Variants in MCM3AP observed in about 807,000 individuals in gnomAD.
MCM3AP encodes the protein minichromosome maintenance complex component 3 associated protein, also known as germinal-center associated nuclear protein.
A neutral mutation model predicts 184.1 loss-of-function variants in MCM3AP; 126 were observed. The observed-to-expected ratio is 0.68, with a 90% CI of 0.59 to 0.79. The LOEUF is 0.79. Ranked by LOEUF, MCM3AP falls within the 30% of genes least tolerant of loss-of-function variation. MCM3AP has a pLI of 0.00. For synonymous variants in MCM3AP, 1,002 were observed against 979.3 expected, an observed-to-expected ratio of 1.02 and a Z score of -0.43; for missense variants, 2,496 against 2,479.2, an observed-to-expected ratio of 1.01 and a Z score of -0.14.
chr21:46,251,546 C>T lies in MCM3AP; in HGVS notation c.4273G>A (p.Val1425Ile). The T allele has an allele frequency of 6.2e-7, 1 of 1,609,834 alleles. No individual in the cohort carries two copies. The highest frequency in any genetic ancestry group is 8.5e-7 in the Non-Finnish European group (1 of 1,176,696). The change falls in exon 20 of 28, where the codon GTT (valine) becomes ATT (isoleucine). Residue 1425 changes from valine (V) to isoleucine (I), a missense_variant. This residue lies in a region of MCM3AP where 1,323 missense variants were observed against 1,273.4 expected (regional missense o/e 1.04). Coordinates refer to ENST00000291688, the MANE Select transcript of MCM3AP (RefSeq NM_003906.5). Reference sequence around the variant, plus strand: ...TAGTTCACCTTTATACACACGTTAACAGAAATCATCTGATCCCCTTTGCTG... The same window carrying T: ...TAGTTCACCTTTATACACACGTTAATAGAAATCATCTGATCCCCTTTGCTG... Reference protein sequence around the residue: ...LSSKGDQMISVNVCIKVAHGA... With the variant: ...LSSKGDQMISINVCIKVAHGA...
chr21:46,272,805 C>A lies in MCM3AP; in HGVS notation c.2221G>T (p.Asp741Tyr). 1 of 1,602,470 alleles carries A rather than the reference C, an allele frequency of 6.2e-7. No homozygotes were observed. The highest frequency in any genetic ancestry group is 2.2e-5 in the East Asian group (1 of 44,730). The change falls in exon 8 of 28, where the codon GAC becomes TAC. Residue 741 changes from aspartate to tyrosine, a missense_variant. By Grantham distance (160) the Asp-to-Tyr change is radical. Coordinates refer to ENST00000291688, the MANE Select transcript of MCM3AP (RefSeq NM_003906.5). ...RKDITQQHLC[D>Y]PLTVSLIEKC... is the part of the protein sequence containing the mutation. ...TCAATCAGGGACACCGTCAGGGGGT[C>A]ACAGAGGTGCTGCTGCGTGATATCC...
At chr21:46,262,718 A>T (rs930021473) in intron 13 of MCM3AP, among the ~76,000 whole-genome samples, 4 of 152,084 alleles carry the variant, frequency 2.6e-5, no homozygotes, top group Non-Finnish European at 5.9e-5. Context: ...CTGTAATCCC[A>T]GCACTTTGGG....
In MCM3AP at chr21:46,275,218, T is replaced by C; in HGVS notation, c.1966A>G (p.Ser656Gly). The C allele has an allele frequency of 6.2e-7, 1 of 1,613,972 alleles. No homozygotes were observed. The highest frequency in any genetic ancestry group is 1.1e-5 in the South Asian group (1 of 91,048). Residue 656 changes from serine (S) to glycine (G), a missense_variant, in exon 6 of 28, where the codon AGC becomes GGC. By Grantham distance (56) the Ser-to-Gly change is moderately conservative. Around this residue, in one of 5 missense-constraint regions of MCM3AP, gnomAD observed 130 missense variants for 199.8 expected, o/e 0.65. Coordinates refer to ENST00000291688, the MANE Select transcript of MCM3AP (RefSeq NM_003906.5). ...RYMRETRSQLSVFEVVPGTDQ... is the reference protein window; with the variant it reads ...RYMRETRSQLGVFEVVPGTDQ... The stretch of plus-strand genomic sequence containing the variant: ...GTCCCTGGGACCACTTCGAACACGC[T>C]CAGCTGGCTACGGGTCTCCCGCATG...
chr21:46,246,581 C>A (rs2080774371), intron 21 of MCM3AP, 47 bp downstream of exon 21: 10 of 1,599,406 alleles, frequency 6.3e-6, no homozygotes, highest in Non-Finnish European at 7.7e-6. Context: ...GGCCTCCACC[C>A]ATTTATTAAA....
intron 23 of MCM3AP, 86 bp downstream of exon 23, chr21:46,244,721 C>T: frequency 1.4e-6 from 2 of 1,443,444 alleles, no homozygotes; most frequent in Non-Finnish European, 1.9e-6. Context: ...TGGTGCCCAA[C>T]ACCTGCCAGA....
chr21:46,285,052 A>C lies in MCM3AP; in HGVS notation c.235T>G (p.Ser79Ala), dbSNP rs1685382149. Residue 79 changes from serine to alanine, a missense_variant, in exon 1 of 28, where the codon TCA becomes GCA. By Grantham distance (99) the Ser-to-Ala change is moderately conservative. Coordinates refer to ENST00000291688, the MANE Select transcript of MCM3AP (RefSeq NM_003906.5). Reference sequence around the variant, plus strand: ...AGTCCAGAAAAGGGTCCAACACTTGAGGTTTGGGTGAACCCTAATGTTTGC... The same window carrying C: ...AGTCCAGAAAAGGGTCCAACACTTGCGGTTTGGGTGAACCCTAATGTTTGC... ...SVQTLGFTQT[S>A]SVGPFSGLEH... 6.2e-7 allele frequency: 1 copy of C among 1,614,094 alleles called. No individual in the cohort carries two copies. Among genetic ancestry groups the C allele is most frequent in the African/African-American group, 1.3e-5 (1 of 74,930 alleles).
intron 13 of MCM3AP, among the ~76,000 whole-genome samples, chr21:46,261,686 T>C (rs970534189): frequency 6.7e-6 from 1 of 149,196 alleles, no homozygotes; most frequent in Admixed American, 6.7e-5. Context: ...TGAGCCAAGA[T>C]TGCGTCACTG....
Position 46,284,229 on chromosome 21 carries a change from C to T in MCM3AP, c.1058G>A (p.Gly353Asp). 1.2e-6 allele frequency: 2 copies of T among 1,614,230 alleles called. No homozygotes were observed. Among genetic ancestry groups the T allele is most frequent in the Non-Finnish European group, 8.5e-7 (1 of 1,180,042 alleles). The change falls in exon 1 of 28, where the codon GGT becomes GAT. Residue 353 changes from glycine to aspartate, a missense_variant. Gly to Asp is a moderately conservative substitution (Grantham distance 94). Around this residue, in one of 5 missense-constraint regions of MCM3AP, gnomAD observed 800 missense variants for 717.1 expected, o/e 1.12. Coordinates refer to ENST00000291688, the MANE Select transcript of MCM3AP (RefSeq NM_003906.5). ...QDVFKSNKEV[G>D]RLGNKEAKKE... ...TTTGGCCTCCTTGTTGCCCAGACGACCTACTTCCTTATTGCTTTTGAAAAC... is the reference window on the plus strand; with the variant it reads ...TTTGGCCTCCTTGTTGCCCAGACGATCTACTTCCTTATTGCTTTTGAAAAC...
chr21:46,249,420 T>G (rs991992949), intron 20 of MCM3AP, among the ~76,000 whole-genome samples: 1 of 152,218 alleles, frequency 6.6e-6, no homozygotes, highest in East Asian at 1.9e-4. Context: ...ACTCCTGCAC[T>G]CAAAACAATC....
rs1421651464 is a variant in MCM3AP, at chr21:46,275,182, C to T, written c.1998+4G>A. 1 of 1,612,398 alleles carries T rather than the reference C, an allele frequency of 6.2e-7. No individual in the cohort carries two copies. The highest frequency in any genetic ancestry group is 1.7e-5 in the Admixed American group (1 of 59,660). On this transcript the variant is annotated splice_donor_region_variant and intron_variant, in intron 6 of 27. Transcript: ENST00000291688. Reference sequence around the variant, plus strand: ...ACACTCCACGGGGAGATGCAGGGCTCTACCTGGTCAGTCCCTGGGACCACT... The same window carrying T: ...ACACTCCACGGGGAGATGCAGGGCTTTACCTGGTCAGTCCCTGGGACCACT...
In MCM3AP at chr21:46,242,214, G is replaced by A. The variant is rs1485430352; in HGVS notation, c.5426+588C>T. ...TCCAGGACAATAGTGAATAATAGTCGGGACAACAGGCTGGTTCTGATTCCA... is the reference window on the plus strand; with the variant it reads ...TCCAGGACAATAGTGAATAATAGTCAGGACAACAGGCTGGTTCTGATTCCA... On this transcript the variant is annotated intron_variant, in intron 25 of 27. Coordinates refer to ENST00000291688, the MANE Select transcript of MCM3AP (RefSeq NM_003906.5). The A allele has an allele frequency of 2.0e-5, 3 of 152,460 alleles. No individual in the cohort carries two copies. In the East Asian group the frequency reaches 5.8e-4, roughly 29 times the overall value. The allele number at this position is 152,460 out of a possible 1,614,324, so 9.4% of individuals were successfully genotyped here.
chr21:46,238,737 A>AGTGCTGGGATTACAGGAGTGAG (rs2080593863), intron 26 of MCM3AP, among the ~76,000 whole-genome samples: 1 of 146,428 alleles, frequency 6.8e-6, no homozygotes, highest in African/African-American at 2.7e-5. Context: ...CTCATCCCAA[A>AGTGCTGGGATTACAGGAGTGAG]CCACTTAAAT....
In MCM3AP at chr21:46,283,758, C is replaced by T; in HGVS notation, c.1300G>A (p.Val434Ile). 1.2e-6 allele frequency: 2 copies of T among 1,614,172 alleles called. No individual in the cohort carries two copies. Among genetic ancestry groups the T allele is most frequent in the Non-Finnish European group, 1.7e-6 (2 of 1,180,012 alleles). The change falls in exon 2 of 28, where the codon GTC becomes ATC. Residue 434 changes from valine (V) to isoleucine (I), a missense_variant. Around this residue, in one of 5 missense-constraint regions of MCM3AP, gnomAD observed 800 missense variants for 717.1 expected, o/e 1.12. Coordinates refer to ENST00000291688, the MANE Select transcript of MCM3AP (RefSeq NM_003906.5). ...DSLGGLSPSEVTAIQCKNIPD... is the reference protein window; with the variant it reads ...DSLGGLSPSEITAIQCKNIPD... ...ATGTTCTTGCACTGGATGGCTGTGA[C>T]TTCAGAGGGAGACAAGCCCCCAAGA...
rs74958485 is a variant in MCM3AP, at chr21:46,285,071, T to C, written c.216A>G (p.Thr72=). ...SGVSHSSSVQ[T]LGFTQTSSVG... The stretch of plus-strand genomic sequence containing the variant: ...CACTTGAGGTTTGGGTGAACCCTAA[T>C]GTTTGCACTGAAGAGGAATGACTTA... The change falls in exon 1 of 28, where the codon ACA becomes ACG. Residue 72 remains threonine (T), a synonymous_variant. Transcript: ENST00000291688. 3.9e-4 allele frequency: 628 copies of C among 1,614,226 alleles called. 5 individuals carry two copies. The African/African-American group carries it at 7.6e-3, about 19-fold the overall frequency.
In MCM3AP at chr21:46,264,148, C is replaced by A. The variant is rs145422524; in HGVS notation, c.3304G>T (p.Ala1102Ser). 29 of 1,613,866 alleles carry A rather than the reference C, an allele frequency of 1.8e-5. No individual in the cohort carries two copies. In the Middle Eastern group the frequency reaches 5.0e-4, roughly 28 times the overall value. ...LQRDCEEVGS[A>S]GAAYAAAALG... ...GCGGCAGCTGCGTAGGCAGCACCCG[C>A]AGAGCCAACTTCCTCACAGTCCCTC... Residue 1102 changes from alanine to serine, a missense_variant, in exon 13 of 28, where the codon GCG (alanine) becomes TCG (serine). Transcript: ENST00000291688.
rs1419622153 is a variant in MCM3AP at position 46,265,929 on chromosome 21, T to C, written c.3027A>G (p.Thr1009=). Residue 1009 remains threonine, a synonymous_variant, in exon 11 of 28, where the codon ACA becomes ACG. Transcript: ENST00000291688. ...PVSTQRPGSD[T]VGGGRGEECG... ...TACGACTGCAGCTTCACTCACCCACTGTGTCGGAGCCGGGTCTCTGGGTGC... is the reference window on the plus strand; with the variant it reads ...TACGACTGCAGCTTCACTCACCCACCGTGTCGGAGCCGGGTCTCTGGGTGC... 1.3e-6 allele frequency: 2 copies of C among 1,567,808 alleles called. No homozygotes were observed. The highest frequency in any genetic ancestry group is 8.7e-7 in the Non-Finnish European group (1 of 1,152,200).
chr21:46,280,577 T>C lies in MCM3AP; in HGVS notation c.1444-2A>G. 6.2e-7 allele frequency: 1 copy of C among 1,607,058 alleles called. No individual in the cohort carries two copies. Among genetic ancestry groups the C allele is most frequent in the Non-Finnish European group, 8.5e-7 (1 of 1,174,568 alleles). On this transcript the variant is annotated splice_acceptor_variant, in intron 2 of 27. Coordinates refer to ENST00000291688, the MANE Select transcript of MCM3AP (RefSeq NM_003906.5). LOFTEE classifies it high-confidence loss of function. ...CTTTCTAGCCAGGGCTGCAGATGCC[T>C]GGAAAACAGTCCACAACCGCCATGT...
chr21:46,239,606 T>A (rs1023614271), intron 26 of MCM3AP, among the ~76,000 whole-genome samples: 8 of 152,324 alleles, frequency 5.3e-5, no homozygotes, highest in African/African-American at 1.9e-4. Flanking sequence ...AACTTTGCAG[T>A]GGCTACCAGA....
Position 46,285,411 on chromosome 21 carries a change from C to G in MCM3AP, c.-125G>C. The G allele has an allele frequency of 1.5e-6, 1 of 673,338 alleles. No individual in the cohort carries two copies. The highest frequency in any genetic ancestry group is 2.6e-6 in the Non-Finnish European group (1 of 384,948). The allele number at this position is 673,338 out of a possible 1,614,324, so 41.7% of individuals were successfully genotyped here. On this transcript the variant is annotated 5_prime_UTR_variant, in exon 1 of 28. An upstream open reading frame in the 5' UTR loses its in-frame stop. Coordinates refer to ENST00000291688, the MANE Select transcript of MCM3AP (RefSeq NM_003906.5). Reference sequence around the variant, plus strand: ...TAGAACAAGCTGAAAGAGAAAAATTCAGATCATCATAGCTATGTTCTGCTA... The same window carrying G: ...TAGAACAAGCTGAAAGAGAAAAATTGAGATCATCATAGCTATGTTCTGCTA...
Sources: allele counts gnomAD v4.1 joint callset (sites outside exome capture counted in the v4.1 genomes callset), GRCh38; gene constraint gnomAD v4.1.1; regional missense constraint gnomAD v4.1.1; transcripts MANE v1.5; gene names NCBI Gene and HGNC (gene_info 2026-07-23, HGNC 2026-07-21).